The following YY1 variants were observed in gnomAD, a reference collection of about 807,000 sequenced individuals.
YY1 encodes transcriptional repressor protein YY1.
A neutral mutation model predicts 35.6 loss-of-function variants in YY1; 2 were observed. The ratio of observed to expected loss-of-function variants is 0.06; its 90% CI spans 0.02 to 0.18. The LOEUF is 0.18. Among genes scored for constraint, YY1 ranks in the 10% least tolerant of loss-of-function variants. The probability of loss-of-function intolerance (pLI) is 1.00; values close to 1 mark genes in which losing one functional copy is unlikely to be tolerated. For missense variants in YY1, 322 were observed against 573.4 expected, an observed-to-expected ratio of 0.56 and a Z score of 4.48; for synonymous variants, 268 against 238.9, an observed-to-expected ratio of 1.12 and a Z score of -1.12.
At chr14:100,256,141 C>CA (rs556723844) in intron 1 of YY1, among the ~76,000 whole-genome samples, 2,851 of 131,748 alleles carry the variant, frequency 0.022, 25 homozygotes, top group Middle Eastern at 0.048. Flanking sequence ...GACCCTGTCA[C>CA]AAAAAAAAAA....
intron 2 of YY1, among the ~76,000 whole-genome samples, chr14:100,264,903 GTT>G (rs1891131757): frequency 6.6e-6 from 1 of 152,172 alleles, no homozygotes; most frequent in African/African-American, 2.4e-5. Flanking sequence ...GAGGCCAGGA[GTT>G]TGAGACCAGC....
intron 1 of YY1, among the ~76,000 whole-genome samples, chr14:100,251,575 C>T (rs1890924712): frequency 6.6e-6 from 1 of 152,238 alleles, no homozygotes; most frequent in Non-Finnish European, 1.5e-5. Flanking sequence ...TGGCAAGTCC[C>T]TGTTATGTGC....
At chr14:100,241,992 AT>A (rs1182347078) in intron 1 of YY1, among the ~76,000 whole-genome samples, 120 of 96,006 alleles carry the variant, frequency 1.2e-3, no homozygotes, top group African/African-American at 3.9e-3. Context: ...GGGGGGGGGC[AT>A]TTTTTTTTGT....
At chr14:100,250,216 A>G (rs187017081) in intron 1 of YY1, among the ~76,000 whole-genome samples, 1 of 152,338 alleles carries the variant, frequency 6.6e-6, no homozygotes, top group African/African-American at 2.4e-5. Flanking sequence ...TTAATAAAGG[A>G]TAGTATCCTT....
rs773718323 is a variant in YY1 at position 100,262,333 on chromosome 14, G to A, written c.709G>A (p.Val237Met). The A allele has an allele frequency of 1.9e-6, 3 of 1,614,008 alleles. No individual in the cohort carries two copies. In the South Asian group the frequency reaches 3.3e-5, roughly 18 times the overall value. Residue 237 changes from valine (V) to methionine (M), a missense_variant, in exon 2 of 5, where the codon GTG (valine) becomes ATG (methionine). Coordinates refer to ENST00000262238, the MANE Select transcript of YY1 (RefSeq NM_003403.5). The part of the protein sequence containing the change: ...DEKKDIDHET[V>M]VEEQIIGENS... ...AAAAAAAGATATTGACCATGAGACAGTGGTTGAAGAACAGATCATTGGAGA... is the reference window on the plus strand; with the variant it reads ...AAAAAAAGATATTGACCATGAGACAATGGTTGAAGAACAGATCATTGGAGA...
chr14:100,246,954 T>G (rs537603089), intron 1 of YY1, among the ~76,000 whole-genome samples: 3 of 152,328 alleles, frequency 2.0e-5, no homozygotes, highest in African/African-American at 7.2e-5. Flanking sequence ...AAGCCTCTTG[T>G]GCTGTCAGAC....
intron 1 of YY1, among the ~76,000 whole-genome samples, chr14:100,261,730 A>G (rs991507229): frequency 1.3e-5 from 2 of 152,184 alleles, no homozygotes; most frequent in African/African-American, 4.8e-5. Context: ...AAAATAGAGG[A>G]GTGAAGAGGG....
Position 100,239,208 on chromosome 14 carries a change from C to G in YY1, c.-37C>G, listed in dbSNP as rs1326124339. The G allele has an allele frequency of 6.9e-7, 1 of 1,450,182 alleles. No homozygotes were observed. The highest frequency in any genetic ancestry group is 1.5e-5 in the African/African-American group (1 of 66,072). The allele number at this position is 1,450,182 out of a possible 1,614,324, so 89.8% of individuals were successfully genotyped here. ...GCCCGCCCGCCCGCAGCCGAGGAGC[C>G]GAGGCCGCCGCGGCCGTGGCGGCGG... is the stretch of plus-strand genomic sequence containing the variant. On this transcript the variant is annotated 5_prime_UTR_variant, in exon 1 of 5. Coordinates refer to ENST00000262238, the MANE Select transcript of YY1 (RefSeq NM_003403.5).
At chr14:100,271,061 C>T (rs12323819) in intron 2 of YY1, among the ~76,000 whole-genome samples, 17 of 151,496 alleles carry the variant, frequency 1.1e-4, no homozygotes, top group Non-Finnish European at 2.1e-4. Context: ...CTGGCTAACA[C>T]GGTAAGAAAC....
chr14:100,267,119 TGAAAAA>T (rs138588191), intron 2 of YY1, among the ~76,000 whole-genome samples: 2,943 of 152,068 alleles, frequency 0.019, 114 homozygotes, highest in African/African-American at 0.068. Context: ...AAGGGTCTTC[TGAAAAA>T]GAAAAAGAAA....
At chr14:100,254,940 A>ATTTT (rs35165026) in intron 1 of YY1, among the ~76,000 whole-genome samples, 1,438 of 29,472 alleles carry the variant, frequency 0.049, 114 homozygotes, top group Middle Eastern at 0.15. Context: ...CGCCCAGCTA[A>ATTTT]TTTTTTTTTT....
At position 100,239,619 on chromosome 14, in the gene YY1, C is replaced by T. The variant is rs1159429854; in HGVS notation, c.375C>T (p.Asp125=). The T allele has an allele frequency of 1.2e-6, 2 of 1,611,918 alleles. No individual in the cohort carries two copies. The highest frequency in any genetic ancestry group is 1.3e-5 in the African/African-American group (1 of 74,934). The change falls in exon 1 of 5, where the codon GAC becomes GAT. Residue 125 remains aspartate, a synonymous_variant. Coordinates refer to ENST00000262238, the MANE Select transcript of YY1 (RefSeq NM_003403.5). The part of the protein sequence containing the change: ...GDDSDGLRAE[D]GFEDQILIPV... ...ACTCGGACGGGCTGCGCGCCGAGGA[C>T]GGCTTCGAGGATCAGATTCTCATCC...
At position 100,240,009 on chromosome 14, in the gene YY1, C is replaced by G. The variant is rs1355318719; in HGVS notation, c.679+86C>G. 1.1e-5 allele frequency: 14 copies of G among 1,325,202 alleles called. No homozygotes were observed. In the Admixed American group the frequency reaches 3.5e-4, roughly 33 times the overall value. The allele number at this position is 1,325,202 out of a possible 1,614,324, so 82.1% of individuals were successfully genotyped here. ...TTATGTGTGTGATGGGCGCCGCCATCTTCTTCGCCAGGGCAAGTATGGCGG... is the reference window on the plus strand; with the variant it reads ...TTATGTGTGTGATGGGCGCCGCCATGTTCTTCGCCAGGGCAAGTATGGCGG... On this transcript the variant is annotated intron_variant, in intron 1 of 4. Transcript: ENST00000262238.
intron 2 of YY1, among the ~76,000 whole-genome samples, chr14:100,268,691 C>T (rs916163506): frequency 5.3e-5 from 8 of 152,268 alleles, no homozygotes; most frequent in African/African-American, 1.9e-4. Flanking sequence ...ATTGAACAAA[C>T]TTTATTTGTC....
In YY1 at chr14:100,277,399, T is replaced by G. The variant is rs770888956; in HGVS notation, c.1063-19T>G. Reference sequence around the variant, plus strand: ...GTCAGAGTTGCTGAGTGGGTTGATCTCTGGTCTTTCCTTGACAGTGCACGT... The same window carrying G: ...GTCAGAGTTGCTGAGTGGGTTGATCGCTGGTCTTTCCTTGACAGTGCACGT... On this transcript the variant is annotated intron_variant, in intron 4 of 4. Transcript: ENST00000262238. The surrounding 1 kb of genome is among the most constrained non-coding windows in gnomAD (Gnocchi z 5.6). 1.2e-6 allele frequency: 2 copies of G among 1,614,118 alleles called. No individual in the cohort carries two copies. Among genetic ancestry groups the G allele is most frequent in the Non-Finnish European group, 1.7e-6 (2 of 1,180,058 alleles).
At chr14:100,254,422 A>G (rs1170292859) in intron 1 of YY1, among the ~76,000 whole-genome samples, 2 of 152,184 alleles carry the variant, frequency 1.3e-5, no homozygotes, top group East Asian at 1.9e-4. Context: ...TCATTTCTCT[A>G]GAAGTCTTTT....
chr14:100,262,021 C>G lies in YY1; in HGVS notation c.680-283C>G, dbSNP rs1891092334. Among the ~76,000 whole-genome samples the G allele has an allele frequency of 2.0e-5, 3 of 151,998 alleles. No homozygotes were observed. In the South Asian group the frequency reaches 6.2e-4, roughly 32 times the overall value. On this transcript the variant is annotated intron_variant, in intron 1 of 4. Transcript: ENST00000262238. ...AATAATTAGCTGGGTGTGGTGGCAC[C>G]TGCCTGTAGTCCCAGCTACTCAGGA...
chr14:100,241,772 C>G (rs1430905891), intron 1 of YY1, among the ~76,000 whole-genome samples: 1 of 152,020 alleles, frequency 6.6e-6, no homozygotes, highest in African/African-American at 2.4e-5. Flanking sequence ...GTCTGGAGTT[C>G]GAGACCAGCT....
intron 1 of YY1, among the ~76,000 whole-genome samples, chr14:100,250,369 C>A (rs961750515): frequency 6.6e-6 from 1 of 152,064 alleles, no homozygotes; most frequent in East Asian, 1.9e-4. Context: ...TCTTTTTTGT[C>A]TTTTTTTGCC....
Sources: gnomAD v4.1 joint callset for allele counts (sites outside exome capture counted in the v4.1 genomes callset) on GRCh38, gnomAD v4.1.1 for gene constraint, Gnocchi (gnomAD v3.1) non-coding constraint, MANE v1.5 for transcripts, NCBI Gene and HGNC (gene_info 2026-07-23, HGNC 2026-07-21) for gene names.